DMD: variants seen among roughly 807,000 people sequenced by gnomAD.
DMD encodes mutant dystrophin.
Under a neutral mutation model 330.1 loss-of-function variants are expected in DMD, and 63 were observed. That is an observed-to-expected ratio of 0.19 (90% confidence interval 0.16 to 0.24). The LOEUF is 0.24. DMD is among the 10% of genes least tolerant of loss of function. DMD has a pLI of 1.00. For synonymous variants in DMD, 1,223 were observed against 959.8 expected (o/e 1.27, Z -5.07); for missense variants, 3,344 against 2,684.1 (o/e 1.25, Z -5.43).
chrX:31,310,206 C>CCAT (rs1569523709), intron 62 of DMD, among the ~76,000 whole-genome samples: 4 of 36,179 alleles, frequency 1.1e-4, no homozygotes, highest in African/African-American at 3.5e-4. Flanking sequence ...TCTCTCTCTC[C>CCAT]ATATATATAT....
intron 18 of DMD, among the ~76,000 whole-genome samples, chrX:32,506,199 G>A (rs369750359): frequency 9.0e-6 from 1 of 111,383 alleles, no homozygotes. Context: ...ATGTGTCAAT[G>A]TAAGTTCATC....
chrX:32,258,709 T>C (rs186178423), intron 43 of DMD, among the ~76,000 whole-genome samples: 3 of 110,702 alleles, frequency 2.7e-5, no homozygotes, highest in Admixed American at 1.9e-4. Context: ...AAATACCTAA[T>C]GTAGATGATG....
chrX:32,821,264 C>T (rs1392877705), intron 5 of DMD, among the ~76,000 whole-genome samples: 1 of 111,404 alleles, frequency 9.0e-6, no homozygotes, highest in Non-Finnish European at 1.9e-5. Flanking sequence ...CACTATTTGA[C>T]TCTGAGCAAG....
At chrX:31,768,738 C>A (rs1007342008) in intron 51 of DMD, among the ~76,000 whole-genome samples, 8 of 112,101 alleles carry the variant, frequency 7.1e-5, no homozygotes, top group Admixed American at 1.9e-4. Context: ...CGACACTAAG[C>A]TATAAAGTAC....
chrX:31,801,978 A>T (rs925978161), intron 50 of DMD, among the ~76,000 whole-genome samples: 1 of 111,307 alleles, frequency 9.0e-6, no homozygotes, highest in African/African-American at 3.3e-5. Flanking sequence ...ATTCAAAAGG[A>T]TAGTGTCTCA....
At chrX:33,092,918 G>C (rs1050523844) in intron 1 of DMD, among the ~76,000 whole-genome samples, 3 of 110,127 alleles carry the variant, frequency 2.7e-5, no homozygotes, top group African/African-American at 9.9e-5. Context: ...CTGTCGCCCA[G>C]GCTGGAGTGC....
chrX:33,009,334 A>G (rs866264930), intron 2 of DMD, among the ~76,000 whole-genome samples: 395 of 38,005 alleles, frequency 0.01, 121 homozygotes, highest in East Asian at 0.013. Flanking sequence ...ATATGTGTAT[A>G]TACACGTGTA....
In DMD at chrX:31,496,839, T is replaced by G. The variant is rs72466574; in HGVS notation, c.8496A>C (p.Ala2832=). The G allele has an allele frequency of 1.7e-6, 2 of 1,212,076 alleles. No homozygotes were observed. The highest frequency in any genetic ancestry group is 2.2e-6 in the Non-Finnish European group (2 of 895,595). ...CTGCTGGAAAGTCGCCTCCAATAGG[T>G]GCCTGCCGGCTTAATTCATCATCTT... ...QLKDDELSRQ[A]PIGGDFPAVQ... is the part of the protein sequence containing the mutation. The change falls in exon 57 of 79, where the codon GCA becomes GCC. Residue 2832 remains alanine, a synonymous_variant. Transcript: ENST00000357033.
intron 60 of DMD, among the ~76,000 whole-genome samples, chrX:31,374,229 G>A (rs1173336948): frequency 2.3e-5 from 2 of 87,146 alleles, no homozygotes; most frequent in East Asian, 7.7e-4. Flanking sequence ...TGGTGGGACT[G>A]TAAACTAGTT....
intron 1 of DMD, among the ~76,000 whole-genome samples, chrX:33,066,160 A>G (rs1391360017): frequency 2.7e-5 from 3 of 110,096 alleles, no homozygotes; most frequent in African/African-American, 9.9e-5. Context: ...CTAGGAAACG[A>G]GAGTAATAAG....
At chrX:32,943,050 G>A (rs2090539385) in intron 2 of DMD, among the ~76,000 whole-genome samples, 1 of 111,719 alleles carries the variant, frequency 9.0e-6, no homozygotes, top group South Asian at 3.8e-4. Context: ...AAGAGAGACT[G>A]TAGACCATGA....
chrX:32,554,046 G>C (rs1001195038), intron 16 of DMD, among the ~76,000 whole-genome samples: 7 of 112,283 alleles, frequency 6.2e-5, no homozygotes, highest in Non-Finnish European at 1.9e-5. Flanking sequence ...AGAGCTTCTG[G>C]GAGGAAGACC....
intron 44 of DMD, among the ~76,000 whole-genome samples, chrX:32,214,349 T>C (rs1317831840): frequency 9.1e-6 from 1 of 110,241 alleles, no homozygotes; most frequent in South Asian, 3.8e-4. Context: ...AAGCTGAGAG[T>C]TTCAGCAGCC....
intron 76 of DMD, among the ~76,000 whole-genome samples, chrX:31,142,190 T>A: frequency 8.9e-6 from 1 of 112,072 alleles, no homozygotes; most frequent in East Asian, 2.8e-4. Flanking sequence ...CTACATTATA[T>A]AACAGTATTG....
chrX:32,802,010 A>G (rs1262607890), intron 7 of DMD, among the ~76,000 whole-genome samples: 7 of 112,018 alleles, frequency 6.2e-5, no homozygotes, highest in Admixed American at 5.7e-4. Flanking sequence ...TTAGTTCCAC[A>G]TGAAATTTAA....
At chrX:32,575,420 A>T (rs1285885582) in intron 13 of DMD, among the ~76,000 whole-genome samples, 1 of 112,127 alleles carries the variant, frequency 8.9e-6, no homozygotes, top group Non-Finnish European at 1.9e-5. Flanking sequence ...GTAACTGTTA[A>T]TTTTTTGTAG....
intron 19 of DMD, among the ~76,000 whole-genome samples, chrX:32,498,426 T>A (rs942365284): frequency 1.8e-5 from 2 of 111,125 alleles, no homozygotes; most frequent in African/African-American, 6.5e-5. Context: ...TTTTTTTTTT[T>A]AGTTAACACT....
At chrX:32,122,622 T>C (rs754405546) in intron 44 of DMD, among the ~76,000 whole-genome samples, 2 of 111,431 alleles carry the variant, frequency 1.8e-5, no homozygotes, top group Non-Finnish European at 3.8e-5. Flanking sequence ...ACCCCATCTG[T>C]GAAATTTTTT....
chrX:32,550,812 C>T (rs2049475676), intron 16 of DMD, among the ~76,000 whole-genome samples: 1 of 110,532 alleles, frequency 9.0e-6, no homozygotes, highest in African/African-American at 3.3e-5. Context: ...TTACCATTGA[C>T]CCCACAGAAA....
Sources: allele counts gnomAD v4.1 joint callset (sites outside exome capture counted in the v4.1 genomes callset), GRCh38; gene constraint gnomAD v4.1.1; transcripts MANE v1.5; gene names NCBI Gene and HGNC (gene_info 2026-07-23, HGNC 2026-07-21).